DYM: variants seen among roughly 807,000 people sequenced by gnomAD.
DYM encodes dymeclin, also known as dyggve-Melchior-Clausen syndrome protein.
Under a neutral mutation model 93.1 loss-of-function variants are expected in DYM, and 78 were observed. The ratio of observed to expected loss-of-function variants is 0.84; its 90% confidence interval spans 0.70 to 1.01. The LOEUF (loss-of-function observed/expected upper bound fraction) is 1.01, where lower values mean the gene tolerates loss of function less well. DYM is among the 50% of genes least tolerant of loss of function. DYM has a pLI of 0.00. For missense variants in DYM, 789 were observed against 845.0 expected (o/e 0.93, Z 0.82); for synonymous variants, 321 against 319.7 (o/e 1.00, Z -0.04).
intron 13 of DYM, among the ~76,000 whole-genome samples, chr18:49,239,691 C>T (rs2093966552): frequency 6.6e-6 from 1 of 152,224 alleles, no homozygotes; most frequent in Admixed American, 6.5e-5. Context: ...ACAGATCTCC[C>T]AGCTAGCATC....
intron 8 of DYM, among the ~76,000 whole-genome samples, chr18:49,300,198 C>A (rs1307593032): frequency 6.7e-6 from 1 of 150,216 alleles, no homozygotes; most frequent in African/African-American, 2.4e-5. Context: ...TTATCAGAAA[C>A]AATCAACAAT....
intron 8 of DYM, among the ~76,000 whole-genome samples, chr18:49,308,454 T>C (rs1202712017): frequency 6.6e-6 from 1 of 152,166 alleles, no homozygotes; most frequent in Admixed American, 6.5e-5. Context: ...ACAGATGGTA[T>C]CATGAAAACA....
At chr18:49,344,033 C>T (rs1188059206) in intron 6 of DYM, among the ~76,000 whole-genome samples, 1 of 152,016 alleles carries the variant, frequency 6.6e-6, no homozygotes, top group East Asian at 1.9e-4. Flanking sequence ...ACTCAACATT[C>T]ATTTGAAACA....
intron 1 of DYM, among the ~76,000 whole-genome samples, chr18:49,447,863 CTT>C (rs2082225026): frequency 6.6e-6 from 1 of 152,148 alleles, no homozygotes; most frequent in African/African-American, 2.4e-5. Flanking sequence ...GGGGAAGCGT[CTT>C]TGTGATTTTC....
chr18:49,152,520 T>C (rs1254187543), intron 15 of DYM, among the ~76,000 whole-genome samples: 1 of 152,142 alleles, frequency 6.6e-6, no homozygotes, highest in Non-Finnish European at 1.5e-5. Flanking sequence ...CTACAGACTT[T>C]GCTTGAATTT....
intron 8 of DYM, among the ~76,000 whole-genome samples, chr18:49,325,006 A>G (rs1286006461): frequency 6.6e-6 from 1 of 152,170 alleles, no homozygotes; most frequent in Non-Finnish European, 1.5e-5. Flanking sequence ...ATCAGGCTCT[A>G]GAACCCACCC....
intron 1 of DYM, among the ~76,000 whole-genome samples, chr18:49,454,778 G>T (rs1380672569): frequency 1.3e-5 from 2 of 151,610 alleles, no homozygotes; most frequent in Non-Finnish European, 2.9e-5. Flanking sequence ...CATTGTGGCC[G>T]GCGCCTGTAG....
intron 8 of DYM, among the ~76,000 whole-genome samples, chr18:49,300,254 G>A (rs536686944): frequency 1.3e-5 from 2 of 151,326 alleles, no homozygotes; most frequent in East Asian, 1.9e-4. Flanking sequence ...TAAACTTAAC[G>A]TTAACAATAT....
At chr18:49,210,957 A>G (rs533251260) in intron 13 of DYM, among the ~76,000 whole-genome samples, 1 of 152,346 alleles carries the variant, frequency 6.6e-6, no homozygotes, top group Non-Finnish European at 1.5e-5. Context: ...AAAGTGATAC[A>G]AAATACTTTT....
chr18:49,162,179 C>T (rs118051171), intron 15 of DYM, among the ~76,000 whole-genome samples: 2,381 of 152,294 alleles, frequency 0.016, 24 homozygotes, highest in South Asian at 0.047. Flanking sequence ...ATGCTCACCC[C>T]TGTGCTGTTT....
intron 6 of DYM, among the ~76,000 whole-genome samples, chr18:49,360,650 G>C (rs1248316631): frequency 1.3e-5 from 2 of 151,800 alleles, no homozygotes; most frequent in Admixed American, 6.6e-5. Flanking sequence ...ATTGCAGGTG[G>C]TGCTACTTTT....
intron 13 of DYM, among the ~76,000 whole-genome samples, chr18:49,254,487 C>A (rs1196909674): frequency 1.3e-5 from 2 of 151,992 alleles, no homozygotes; most frequent in African/African-American, 2.4e-5. Flanking sequence ...TAAAGCACTA[C>A]TCATTATTGA....
intron 2 of DYM, among the ~76,000 whole-genome samples, chr18:49,397,598 C>G (rs2070265325): frequency 6.6e-6 from 1 of 152,186 alleles, no homozygotes; most frequent in South Asian, 2.1e-4. Flanking sequence ...CTCCAGGGTT[C>G]TTTTCTGTTG....
In DYM at chr18:49,385,465, C is replaced by T. The variant is rs185728337; in HGVS notation, c.194-5707G>A. Among the ~76,000 whole-genome samples the T allele has an allele frequency of 5.5e-3, 837 of 152,214 alleles. 4 individuals are homozygous for T. The highest frequency in any genetic ancestry group is 7.8e-3 in the Non-Finnish European group (528 of 68,012). On this transcript the variant is annotated intron_variant, in intron 3 of 17. Coordinates refer to ENST00000675505, the MANE Select transcript of DYM (RefSeq NM_001353214.3). ...AATCCCAGCACTTCGAAGGCCAAGG[C>T]GGGTGGATCACCTGAGGTCAGGAGT... is the stretch of plus-strand genomic sequence containing the variant.
chr18:49,047,303 G>A (rs1181314304), intron 17 of DYM, among the ~76,000 whole-genome samples: 2 of 152,200 alleles, frequency 1.3e-5, no homozygotes, highest in African/African-American at 4.8e-5. Flanking sequence ...GACCATCAGT[G>A]TTTCCTTCCA....
intron 11 of DYM, among the ~76,000 whole-genome samples, chr18:49,262,475 G>C (rs1404995574): frequency 6.6e-6 from 1 of 152,202 alleles, no homozygotes; most frequent in Non-Finnish European, 1.5e-5. Flanking sequence ...GTGGTGGTCA[G>C]TTACAGTAGC....
chr18:49,294,756 A>G (rs1298356762), intron 8 of DYM, among the ~76,000 whole-genome samples: 1 of 152,162 alleles, frequency 6.6e-6, no homozygotes, highest in African/African-American at 2.4e-5. Context: ...TCTAACAAAC[A>G]TATTACAAAA....
rs1438242426 is a variant in DYM at position 49,043,158 on chromosome 18, C to T, written c.*897G>A. 4.7e-5 allele frequency: 7 copies of T among 150,330 alleles called. No homozygotes were observed. The highest frequency in any genetic ancestry group is 9.8e-5 in the African/African-American group (4 of 40,772). The allele number at this position is 150,330 out of a possible 1,614,324, so 9.3% of individuals were successfully genotyped here. A position where few individuals can be genotyped will look rare whatever the true frequency, so the allele number is the denominator to read the frequency against. On this transcript the variant is annotated 3_prime_UTR_variant, in exon 18 of 18. Transcript: ENST00000675505. ...TTTTTTTTTTTTTGCGAGACAGGGTCTCACTTTGTGGCTCAGGCTGGAGTG... is the reference window on the plus strand; with the variant it reads ...TTTTTTTTTTTTTGCGAGACAGGGTTTCACTTTGTGGCTCAGGCTGGAGTG...
intron 15 of DYM, among the ~76,000 whole-genome samples, chr18:49,148,114 G>T (rs575489831): frequency 6.6e-6 from 1 of 152,232 alleles, no homozygotes; most frequent in Admixed American, 6.5e-5. Context: ...AACACCGCAT[G>T]TTCTCACTCA....
Sources: allele counts gnomAD v4.1 joint callset (sites outside exome capture counted in the v4.1 genomes callset), GRCh38; gene constraint gnomAD v4.1.1; transcripts MANE v1.5; gene names NCBI Gene and HGNC (gene_info 2026-07-23, HGNC 2026-07-21).